FHIT: variants seen among roughly 807,000 people sequenced by gnomAD.
FHIT encodes bis(5'-adenosyl)-triphosphatase.
Under a neutral mutation model 17.9 loss-of-function variants are expected in FHIT, and 19 were observed. The ratio of observed to expected loss-of-function variants is 1.06; its 90% CI spans 0.74 to 1.56. The LOEUF (loss-of-function observed/expected upper bound fraction) is 1.56. Ranked by LOEUF, FHIT falls within the 40% of genes most tolerant of loss-of-function variation. FHIT has a pLI of 0.00. For synonymous variants in FHIT, 81 were observed against 69.7 expected, an observed-to-expected ratio of 1.16 and a Z score of -0.81; for missense variants, 248 against 189.2, an observed-to-expected ratio of 1.31 and a Z score of -1.82.
intron 3 of FHIT, among the ~76,000 whole-genome samples, chr3:60,824,172 G>A (rs1553740218): frequency 1.3e-5 from 2 of 152,172 alleles, no homozygotes. Context: ...ATAAACTGAA[G>A]AACAAGGCCA....
intron 7 of FHIT, among the ~76,000 whole-genome samples, chr3:59,970,565 C>T (rs756954264): frequency 3.9e-5 from 6 of 151,998 alleles, no homozygotes; most frequent in East Asian, 1.9e-4. Context: ...AGAAAGCAAG[C>T]GGAGGGAACA....
chr3:59,967,460 C>G (rs1374166261), intron 7 of FHIT, among the ~76,000 whole-genome samples: 2 of 152,154 alleles, frequency 1.3e-5, no homozygotes, highest in African/African-American at 4.8e-5. Flanking sequence ...AACGTAAAGA[C>G]AGCTACGACA....
chr3:60,671,280 G>T (rs2040497436), intron 4 of FHIT, among the ~76,000 whole-genome samples: 1 of 152,008 alleles, frequency 6.6e-6, no homozygotes, highest in Admixed American at 6.6e-5. Flanking sequence ...TAGAATAATA[G>T]ATAAAAGTAT....
At chr3:61,034,592 A>C (rs2033155280) in intron 3 of FHIT, among the ~76,000 whole-genome samples, 1 of 152,164 alleles carries the variant, frequency 6.6e-6, no homozygotes, top group Non-Finnish European at 1.5e-5. Flanking sequence ...GCTACTTCAC[A>C]CCTAATAGGA....
At chr3:60,516,531 A>T (rs2035165520) in intron 5 of FHIT, among the ~76,000 whole-genome samples, 1 of 152,168 alleles carries the variant, frequency 6.6e-6, no homozygotes, top group Non-Finnish European at 1.5e-5. Flanking sequence ...CTAGAGTTAG[A>T]CCACCTGGAT....
At chr3:60,277,277 A>C (rs1707190655) in intron 5 of FHIT, among the ~76,000 whole-genome samples, 1 of 152,166 alleles carries the variant, frequency 6.6e-6, no homozygotes, top group Non-Finnish European at 1.5e-5. Context: ...ATTATTTAGC[A>C]GACAGTGAGG....
chr3:60,521,479 C>G (rs1238951015), intron 5 of FHIT, among the ~76,000 whole-genome samples: 2 of 152,144 alleles, frequency 1.3e-5, no homozygotes, highest in Non-Finnish European at 2.9e-5. Flanking sequence ...GATCTGCTGA[C>G]TTCGTGATCC....
intron 1 of FHIT, among the ~76,000 whole-genome samples, chr3:61,249,991 A>ACACACACAC (rs1553886933): frequency 4.0e-5 from 4 of 100,466 alleles, no homozygotes; most frequent in African/African-American, 1.3e-4. Flanking sequence ...CACACACACA[A>ACACACACAC]ACCCTAGACT....
At chr3:60,820,652 G>T (rs1701891759) in intron 4 of FHIT, among the ~76,000 whole-genome samples, 1 of 152,194 alleles carries the variant, frequency 6.6e-6, no homozygotes, top group South Asian at 2.1e-4. Flanking sequence ...GAGAGGGAAA[G>T]GGAAGGCAGC....
At chr3:60,193,242 G>C (rs2107472754) in intron 5 of FHIT, among the ~76,000 whole-genome samples, 1 of 152,282 alleles carries the variant, frequency 6.6e-6, no homozygotes, top group African/African-American at 2.4e-5. Flanking sequence ...ACCAGTTGCA[G>C]CAACACTGCT....
intron 5 of FHIT, among the ~76,000 whole-genome samples, chr3:60,331,854 A>G (rs1709994900): frequency 6.6e-6 from 1 of 151,422 alleles, no homozygotes; most frequent in African/African-American, 2.4e-5. Flanking sequence ...CTCGGAAAAA[A>G]AAAAAAAGAG....
intron 7 of FHIT, among the ~76,000 whole-genome samples, chr3:59,932,954 T>C (rs1045516732): frequency 1.3e-5 from 2 of 152,166 alleles, no homozygotes; most frequent in African/African-American, 4.8e-5. Flanking sequence ...TTACTGTAGA[T>C]ATTTTGCACC....
At chr3:60,658,757 T>A (rs1182418700) in intron 4 of FHIT, among the ~76,000 whole-genome samples, 2 of 152,072 alleles carry the variant, frequency 1.3e-5, no homozygotes, top group African/African-American at 4.8e-5. Flanking sequence ...AAAATTAGTC[T>A]CATATCATGT....
chr3:59,763,669 A>G (rs898588479), intron 8 of FHIT, among the ~76,000 whole-genome samples: 2 of 152,198 alleles, frequency 1.3e-5, no homozygotes, highest in African/African-American at 4.8e-5. Flanking sequence ...TTGGGAGGGA[A>G]TAAAAGAGGG....
intron 3 of FHIT, among the ~76,000 whole-genome samples, chr3:61,027,802 G>A (rs997906237): frequency 1.3e-5 from 2 of 152,146 alleles, no homozygotes; most frequent in African/African-American, 4.8e-5. Flanking sequence ...AGAATCTACT[G>A]GCTATCCAGG....
chr3:60,477,720 G>C (rs1042905005), intron 5 of FHIT, among the ~76,000 whole-genome samples: 28 of 152,268 alleles, frequency 1.8e-4, no homozygotes, highest in African/African-American at 6.7e-4. Context: ...ATATAAACAT[G>C]TATAGAACAC....
intron 3 of FHIT, among the ~76,000 whole-genome samples, chr3:60,915,498 C>G (rs1226421506): frequency 6.6e-6 from 1 of 152,140 alleles, no homozygotes; most frequent in African/African-American, 2.4e-5. Flanking sequence ...ATTAGATATT[C>G]AATAGCCAGT....
At chr3:60,094,105 CAG>C (rs768275879) in intron 5 of FHIT, among the ~76,000 whole-genome samples, 2 of 152,070 alleles carry the variant, frequency 1.3e-5, no homozygotes, top group Non-Finnish European at 2.9e-5. Flanking sequence ...GATTAAAAAA[CAG>C]AGAGACAGTG....
intron 8 of FHIT, among the ~76,000 whole-genome samples, chr3:59,857,579 T>C (rs1702211610): frequency 6.6e-6 from 1 of 152,138 alleles, no homozygotes; most frequent in South Asian, 2.1e-4. Context: ...GAAACTTACA[T>C]ATCGATTAGA....
Sources: gnomAD v4.1 joint callset for allele counts (sites outside exome capture counted in the v4.1 genomes callset) on GRCh38, gnomAD v4.1.1 for gene constraint, MANE v1.5 for transcripts, NCBI Gene and HGNC (gene_info 2026-07-23, HGNC 2026-07-21) for gene names.